The following SSH1 variants were observed in gnomAD, a reference collection of about 807,000 sequenced individuals.
The protein encoded by SSH1 is slingshot protein phosphatase 1.
In SSH1, 43 loss-of-function variants were observed where a neutral mutation model predicts 79.7. The ratio of observed to expected loss-of-function variants is 0.54; its 90% CI spans 0.42 to 0.70. SSH1 has a LOEUF of 0.70. Ranked by LOEUF, SSH1 falls within the 30% of genes least tolerant of loss-of-function variation. The probability of loss-of-function intolerance (pLI) is 0.00; values close to 1 mark genes in which losing one functional copy is unlikely to be tolerated. For missense variants in SSH1, 1,206 were observed against 1,358.8 expected (o/e 0.89, Z 1.77); for synonymous variants, 599 against 538.3 (o/e 1.11, Z -1.56).
At chr12:108,845,551 G>C (rs979804316) in intron 2 of SSH1, among the ~76,000 whole-genome samples, 1 of 152,156 alleles carries the variant, frequency 6.6e-6, no homozygotes, top group South Asian at 2.1e-4. Context: ...GCCAGGTGTG[G>C]TGGTATGCGC....
Position 108,817,039 on chromosome 12 carries a change from T to C in SSH1, c.400A>G (p.Ser134Gly), listed in dbSNP as rs1450595902. ...LLGVDFSSKESKSCTIGMVLR... is the reference protein window; with the variant it reads ...LLGVDFSSKEGKSCTIGMVLR... ...GAACACCTAGCCCATCAGACTCACC[T>C]TTCCTTACTGGAAAAGTCCACTCCC... is the stretch of plus-strand genomic sequence containing the variant. The change falls in exon 5 of 15, where the codon AGT becomes GGT. Residue 134 changes from serine to glycine, a missense_variant and splice_region_variant. Coordinates refer to ENST00000326495, the MANE Select transcript of SSH1 (RefSeq NM_018984.4). 5 of 1,613,938 alleles carry C rather than the reference T, an allele frequency of 3.1e-6. No homozygotes were observed. Among genetic ancestry groups the C allele is most frequent in the East Asian group, 4.5e-5 (2 of 44,858 alleles).
intron 13 of SSH1, among the ~76,000 whole-genome samples, chr12:108,797,602 A>T (rs1158923827): frequency 6.6e-6 from 1 of 152,230 alleles, no homozygotes; most frequent in Non-Finnish European, 1.5e-5. Context: ...GAGAAGCAGC[A>T]GTTGGACGTC....
At chr12:108,799,272 C>T in intron 12 of SSH1, 72 bp from the exon 13 acceptor site, 2 of 1,269,654 alleles carry the variant, frequency 1.6e-6, no homozygotes, top group South Asian at 2.6e-5. Context: ...AAAGCTCCAA[C>T]AACTTCATTC....
intron 5 of SSH1, among the ~76,000 whole-genome samples, chr12:108,815,079 G>T (rs2137139293): frequency 6.6e-6 from 1 of 152,330 alleles, no homozygotes; most frequent in South Asian, 2.1e-4. Context: ...ATAAACCTAG[G>T]AGTGAATGAA....
intron 1 of SSH1, among the ~76,000 whole-genome samples, chr12:108,856,762 C>G (rs564846096): frequency 3.3e-5 from 5 of 152,326 alleles, no homozygotes; most frequent in Admixed American, 2.6e-4. Context: ...ACAGTCACAT[C>G]TCACATCGCA....
At chr12:108,854,025 G>A (rs998069815) in intron 1 of SSH1, among the ~76,000 whole-genome samples, 5 of 152,068 alleles carry the variant, frequency 3.3e-5, no homozygotes, top group Non-Finnish European at 7.4e-5. Context: ...CCACACTGAA[G>A]GAGAAGTGGA....
rs1290567863 is a variant in SSH1 at position 108,802,302 on chromosome 12, G to A, written c.1001+20C>T. On this transcript the variant is annotated intron_variant, in intron 11 of 14. Coordinates refer to ENST00000326495, the MANE Select transcript of SSH1 (RefSeq NM_018984.4). ...TAAGCTGCCTGGAAGGACAGGGAAAGACAAGGGGAGGAGACTCACCCTGAG... is the reference window on the plus strand; with the variant it reads ...TAAGCTGCCTGGAAGGACAGGGAAAAACAAGGGGAGGAGACTCACCCTGAG... 1.9e-6 allele frequency: 3 copies of A among 1,612,888 alleles called. No individual in the cohort carries two copies.
At position 108,788,670 on chromosome 12, in the gene SSH1, C is replaced by A. The variant is rs1281176295; in HGVS notation, c.2468G>T (p.Arg823Leu). The A allele has an allele frequency of 2.5e-6, 4 of 1,614,030 alleles. No homozygotes were observed. The highest frequency in any genetic ancestry group is 3.4e-6 in the Non-Finnish European group (4 of 1,180,044). ...IIQLQKAGLV[R>L]KHTKELERLK... ...CCGCTCTAGCTCTTTGGTGTGCTTG[C>A]GGACCAAGCCTGCCTTCTGCAGCTG... The change falls in exon 15 of 15, where the codon CGC becomes CTC. Residue 823 changes from arginine (R) to leucine (L), a missense_variant. By Grantham distance (102) the Arg-to-Leu change is moderately radical. Coordinates refer to ENST00000326495, the MANE Select transcript of SSH1 (RefSeq NM_018984.4).
chr12:108,800,943 A>C lies in SSH1; in HGVS notation c.1002-17T>G, dbSNP rs140761144. On this transcript the variant is annotated splice_polypyrimidine_tract_variant and intron_variant, in intron 11 of 14. Transcript: ENST00000326495. ...TAATCAACCCTGCAATGAGAAAAAA[A>C]TAAGAAACAAATTTGGACAATCTGA... 3 of 1,610,950 alleles carry C rather than the reference A, an allele frequency of 1.9e-6. No individual in the cohort carries two copies. The highest frequency in any genetic ancestry group is 2.5e-6 in the Non-Finnish European group (3 of 1,178,088).
intron 3 of SSH1, among the ~76,000 whole-genome samples, chr12:108,819,342 A>G (rs1262927483): frequency 6.6e-6 from 1 of 152,182 alleles, no homozygotes. Flanking sequence ...AAAGTCTCTT[A>G]CTGGCCATGA....
chr12:108,811,119 G>A (rs1243310858), intron 6 of SSH1, 141 bp downstream of exon 6: 5 of 799,422 alleles, frequency 6.3e-6, no homozygotes, highest in Non-Finnish European at 1.1e-5. Flanking sequence ...CTCACTCGAG[G>A]GCAATATGAT....
At position 108,802,454 on chromosome 12, in the gene SSH1, G is replaced by A. The variant is rs1269478717; in HGVS notation, c.955-86C>T. ...GGGATGCATGGTTTGCCCTAGCTCT[G>A]GCGGTGAGGTCTTATTTCATGGCCC... On this transcript the variant is annotated intron_variant, in intron 10 of 14. Coordinates refer to ENST00000326495, the MANE Select transcript of SSH1 (RefSeq NM_018984.4). The A allele has an allele frequency of 1.6e-6, 2 of 1,263,574 alleles. 1 individual carries two copies. The highest frequency in any genetic ancestry group is 2.4e-5 in the South Asian group (2 of 82,720). The allele number at this position is 1,263,574 out of a possible 1,614,324, so 78.3% of individuals were successfully genotyped here. A position where few individuals can be genotyped will look rare whatever the true frequency, so the allele number is the denominator to read the frequency against.
chr12:108,842,581 G>A (rs1247601461), intron 2 of SSH1, among the ~76,000 whole-genome samples: 1 of 152,212 alleles, frequency 6.6e-6, no homozygotes, highest in Non-Finnish European at 1.5e-5. Context: ...GACAATCCCT[G>A]CTTTAAGTAC....
At chr12:108,806,735 A>T (rs1439945395) in intron 8 of SSH1, among the ~76,000 whole-genome samples, 1 of 152,210 alleles carries the variant, frequency 6.6e-6, no homozygotes, top group East Asian at 1.9e-4. Context: ...ACGTGTGGGC[A>T]TGAGGACCTC....
rs778276380 is a variant in SSH1 at position 108,788,569 on chromosome 12, C to T, written c.2569G>A (p.Glu857Lys). 23 of 1,596,918 alleles carry T rather than the reference C, an allele frequency of 1.4e-5. No homozygotes were observed. Among genetic ancestry groups the T allele is most frequent in the South Asian group, 2.2e-5 (2 of 89,098 alleles). The change falls in exon 15 of 15, where the codon GAG (glutamate) becomes AAG (lysine). Residue 857 changes from glutamate (E) to lysine (K), a missense_variant. Transcript: ENST00000326495. Reference protein sequence around the residue: ...PASRLEASIPEESQDPAALHE... With the variant: ...PASRLEASIPKESQDPAALHE... ...AGCGCGGCTGGATCCTGGCTCTCCT[C>T]GGGGATGCTGGCCTCCAGCCTGCTG...
chr12:108,788,384 G>A lies in SSH1; in HGVS notation c.2754C>T (p.Thr918=), dbSNP rs754806455. 23 of 1,612,382 alleles carry A rather than the reference G, an allele frequency of 1.4e-5. No individual in the cohort carries two copies. The South Asian group carries it at 2.4e-4, about 17-fold the overall frequency. Residue 918 remains threonine, a synonymous_variant, in exon 15 of 15, where the codon ACC becomes ACT. Transcript: ENST00000326495. ...AAGAGGAGGTGGGGGTGTAGCAGAT[G>A]GTCTTCAGAAAGTCTTTTGAGAAAC... ...TSSFSKDFLK[T]ICYTPTSSSM...
intron 13 of SSH1, among the ~76,000 whole-genome samples, chr12:108,795,174 G>A (rs1185052420): frequency 3.3e-5 from 5 of 152,152 alleles, no homozygotes; most frequent in Admixed American, 6.5e-5. Context: ...TAAAATGATT[G>A]AGACTTGCCT....
rs750667218 is a variant in SSH1 at position 108,852,710 on chromosome 12, A to C, written c.70-32T>G. ...AGAAAGAAAGAGAATATCACACCAC[A>C]GGCACCACTGTCAACACGCCTCGGG... On this transcript the variant is annotated intron_variant, in intron 1 of 14. Transcript: ENST00000326495. 3.7e-6 allele frequency: 6 copies of C among 1,613,946 alleles called. No homozygotes were observed. The South Asian group carries it at 6.6e-5, about 18-fold the overall frequency.
At chr12:108,817,311 G>A in intron 4 of SSH1, 152 bp from the exon 5 acceptor site, 1 of 1,164,454 alleles carries the variant, frequency 8.6e-7, no homozygotes, top group Non-Finnish European at 1.2e-6. Context: ...TGGTGGTTCA[G>A]GCCTGTAATC....
Sources: allele counts gnomAD v4.1 joint callset (sites outside exome capture counted in the v4.1 genomes callset), GRCh38; gene constraint gnomAD v4.1.1; transcripts MANE v1.5; gene names NCBI Gene and HGNC (gene_info 2026-07-23, HGNC 2026-07-21).